ADGRL3: variants seen among roughly 807,000 people sequenced by gnomAD.
ADGRL3 encodes adhesion G protein-coupled receptor L3.
Under a neutral mutation model 153.5 loss-of-function variants are expected in ADGRL3, and 62 were observed. The observed-to-expected ratio is 0.40, with a 90% CI of 0.33 to 0.50. ADGRL3 has a LOEUF of 0.50. ADGRL3 is among the 20% of genes least tolerant of loss of function. ADGRL3 has a pLI of 0.47. For missense variants in ADGRL3, 1,641 were observed against 1,859.4 expected (o/e 0.88, Z 2.16); for synonymous variants, 710 against 672.5 (o/e 1.06, Z -0.86).
intron 3 of ADGRL3, among the ~76,000 whole-genome samples, chr4:61,508,588 T>C (rs920514345): frequency 2.0e-5 from 3 of 152,210 alleles, no homozygotes; most frequent in Non-Finnish European, 1.5e-5. Context: ...TTTATTTTTA[T>C]AATTTCAACA....
chr4:61,857,501 C>G (rs1359047702), intron 9 of ADGRL3, among the ~76,000 whole-genome samples: 1 of 152,024 alleles, frequency 6.6e-6, no homozygotes. Context: ...AAACAGTGTA[C>G]TTAAGAGTGG....
chr4:61,239,381 A>G (rs1174185871), intron 1 of ADGRL3, among the ~76,000 whole-genome samples: 2 of 152,120 alleles, frequency 1.3e-5, no homozygotes, highest in Admixed American at 1.3e-4. Flanking sequence ...CAAAGAGGAA[A>G]TTACTGCTGA....
intron 1 of ADGRL3, among the ~76,000 whole-genome samples, chr4:61,274,973 C>T (rs1021049635): frequency 6.6e-6 from 1 of 152,196 alleles, no homozygotes; most frequent in African/African-American, 2.4e-5. Context: ...TCTGGCTTTG[C>T]CACTAACTAG....
intron 1 of ADGRL3, among the ~76,000 whole-genome samples, chr4:61,365,852 A>G (rs1436786064): frequency 3.3e-5 from 5 of 152,350 alleles, no homozygotes; most frequent in African/African-American, 1.2e-4. Flanking sequence ...ATTCTATATA[A>G]TACCTGCAAC....
intron 8 of ADGRL3, among the ~76,000 whole-genome samples, chr4:61,796,022 T>C (rs1305969569): frequency 6.6e-6 from 1 of 152,112 alleles, no homozygotes; most frequent in African/African-American, 2.4e-5. Flanking sequence ...TTTGTATCTT[T>C]AGTAGAGACA....
intron 6 of ADGRL3, among the ~76,000 whole-genome samples, chr4:61,695,077 C>G (rs1055249352): frequency 2.6e-5 from 4 of 152,170 alleles, no homozygotes; most frequent in Non-Finnish European, 5.9e-5. Flanking sequence ...TTGAACCCTT[C>G]AAATTCATCC....
chr4:61,464,793 A>G (rs556455748), intron 2 of ADGRL3, among the ~76,000 whole-genome samples: 223 of 152,298 alleles, frequency 1.5e-3, no homozygotes, highest in African/African-American at 5.0e-3. Flanking sequence ...TCCCCAGAAA[A>G]TTAGTTAAGG....
intron 9 of ADGRL3, among the ~76,000 whole-genome samples, chr4:61,887,504 C>T (rs1352446638): frequency 6.6e-6 from 1 of 152,052 alleles, no homozygotes; most frequent in Non-Finnish European, 1.5e-5. Context: ...AATAATTACT[C>T]TACACATTTT....
Position 61,793,501 on chromosome 4 carries a change from A to G in ADGRL3, c.1400-20308A>G, listed in dbSNP as rs542576123. On this transcript the variant is annotated intron_variant, in intron 8 of 26. Transcript: ENST00000683033. ...GAACAGCACGAGAAAGACCCACACT[A>G]TGATTCAGTTACCTCCCACTGGGTC... Among the ~76,000 whole-genome samples, 9 of 152,258 alleles carry G rather than the reference A, an allele frequency of 5.9e-5. No homozygotes were observed. The East Asian group carries it at 1.2e-3, about 20-fold the overall frequency.
chr4:61,934,775 C>T, intron 13 of ADGRL3, 65 bp from the exon 14 acceptor site: 1 of 1,305,594 alleles, frequency 7.7e-7, no homozygotes, highest in Non-Finnish European at 1.1e-6. Flanking sequence ...AACATGTACA[C>T]CTGGATTTCT....
At chr4:62,009,892 A>G (rs73823295) in intron 21 of ADGRL3, among the ~76,000 whole-genome samples, 2,303 of 152,226 alleles carry the variant, frequency 0.015, 69 homozygotes, top group African/African-American at 0.052. Context: ...CTCAAATTTA[A>G]TCGTTTAATA....
intron 5 of ADGRL3, among the ~76,000 whole-genome samples, chr4:61,602,545 A>G (rs992979979): frequency 1.3e-5 from 2 of 152,180 alleles, no homozygotes; most frequent in Non-Finnish European, 2.9e-5. Context: ...CCAAGTGTCT[A>G]TATTACCAAT....
In ADGRL3 at chr4:61,732,726, T is replaced by C. The variant is rs576366112; in HGVS notation, c.599-28T>C. ...ACAAAATATGAAATTAATATATTTATTTATTTTAACTGTTTCCCTTCCAAC... is the reference window on the plus strand; with the variant it reads ...ACAAAATATGAAATTAATATATTTACTTATTTTAACTGTTTCCCTTCCAAC... On this transcript the variant is annotated intron_variant, in intron 7 of 26. Transcript: ENST00000683033. The C allele has an allele frequency of 7.1e-5, 88 of 1,243,372 alleles. 1 individual carries two copies. The East Asian group carries it at 1.1e-3, about 16-fold the overall frequency. The allele number at this position is 1,243,372 out of a possible 1,614,324, so 77.0% of individuals were successfully genotyped here.
At chr4:61,819,518 A>G (rs2097727190) in intron 9 of ADGRL3, among the ~76,000 whole-genome samples, 1 of 152,092 alleles carries the variant, frequency 6.6e-6, no homozygotes, top group East Asian at 1.9e-4. Flanking sequence ...ACCAGTCTAC[A>G]TATATGTTAA....
intron 12 of ADGRL3, 32 bp downstream of exon 12, chr4:61,909,777 G>C (rs1390234060): frequency 7.5e-7 from 1 of 1,339,152 alleles, no homozygotes; most frequent in South Asian, 1.5e-5. Flanking sequence ...GTGTGTGTGT[G>C]TGTGTGTGTG....
chr4:61,495,119 T>A (rs1423306052), intron 2 of ADGRL3, among the ~76,000 whole-genome samples: 1 of 152,076 alleles, frequency 6.6e-6, no homozygotes, highest in Non-Finnish European at 1.5e-5. Flanking sequence ...ACAGGAGAAC[T>A]GAGATGCTAT....
At chr4:61,742,779 T>C (rs934873533) in intron 8 of ADGRL3, among the ~76,000 whole-genome samples, 11 of 152,156 alleles carry the variant, frequency 7.2e-5, no homozygotes, top group African/African-American at 1.9e-4. Flanking sequence ...ACTATATAAT[T>C]TTACAAGATG....
intron 1 of ADGRL3, among the ~76,000 whole-genome samples, chr4:61,258,529 T>G (rs918235098): frequency 6.6e-6 from 1 of 152,190 alleles, no homozygotes; most frequent in Non-Finnish European, 1.5e-5. Context: ...TGCCTCCGGA[T>G]TGTTGTGAGA....
chr4:61,289,825 C>T (rs534221402), intron 1 of ADGRL3, among the ~76,000 whole-genome samples: 5 of 152,056 alleles, frequency 3.3e-5, no homozygotes, highest in Non-Finnish European at 7.4e-5. Context: ...ACCTGGCTCA[C>T]TACTTACAAG....
Sources: gnomAD v4.1 joint callset for allele counts (sites outside exome capture counted in the v4.1 genomes callset) on GRCh38, gnomAD v4.1.1 for gene constraint, MANE v1.5 for transcripts, NCBI Gene and HGNC (gene_info 2026-07-23, HGNC 2026-07-21) for gene names.